The following DMXL2 variants were observed in gnomAD, a reference collection of about 807,000 sequenced individuals.
DMXL2 encodes Dmx like 2, also known as dmX-like protein 2.
Under a neutral mutation model 331.1 loss-of-function variants are expected in DMXL2, and 103 were observed. The ratio of observed to expected loss-of-function variants is 0.31; its 90% CI spans 0.27 to 0.37. DMXL2 has a LOEUF of 0.37. Ranked by LOEUF, DMXL2 falls within the 10% of genes least tolerant of loss-of-function variation. DMXL2 has a pLI of 1.00. For missense variants in DMXL2, 3,171 were observed against 3,642.9 expected (o/e 0.87, Z 3.33); for synonymous variants, 1,281 against 1,252.1 (o/e 1.02, Z -0.49).
intron 2 of DMXL2, among the ~76,000 whole-genome samples, chr15:51,574,298 AG>A (rs1276863342): frequency 6.6e-6 from 1 of 152,166 alleles, no homozygotes; most frequent in Non-Finnish European, 1.5e-5. Flanking sequence ...AATTTCTTGA[AG>A]GCTATTTCTA....
intron 6 of DMXL2, among the ~76,000 whole-genome samples, chr15:51,548,490 C>T (rs1182265692): frequency 6.6e-6 from 1 of 152,086 alleles, no homozygotes; most frequent in Non-Finnish European, 1.5e-5. Flanking sequence ...TTGCTTTCCT[C>T]CAAGTATCTT....
chr15:51,553,786 GT>G (rs2049372039), intron 6 of DMXL2, among the ~76,000 whole-genome samples: 5 of 112,376 alleles, frequency 4.4e-5, no homozygotes. Flanking sequence ...CACATGCAGG[GT>G]TTAAAAAAAA....
At chr15:51,532,719 T>C (rs2048073706) in intron 13 of DMXL2, among the ~76,000 whole-genome samples, 1 of 152,190 alleles carries the variant, frequency 6.6e-6, no homozygotes, top group Non-Finnish European at 1.5e-5. Context: ...TTATATGTAA[T>C]GATCAAAGAC....
chr15:51,583,124 T>C (rs1365546534), intron 1 of DMXL2, among the ~76,000 whole-genome samples: 1 of 140,184 alleles, frequency 7.1e-6, no homozygotes, highest in Admixed American at 7.2e-5. Context: ...TTTTTTTCTT[T>C]TTTTTTTTTT....
intron 8 of DMXL2, among the ~76,000 whole-genome samples, chr15:51,542,785 AT>A (rs984768941): frequency 2.0e-5 from 3 of 151,160 alleles, no homozygotes; most frequent in Admixed American, 6.6e-5. Context: ...AGGTCCAAAG[AT>A]TTTTTTTTCA....
rs9806353 is a variant in DMXL2 at position 51,571,390 on chromosome 15, T to A, written c.214-2832A>T. On this transcript the variant is annotated intron_variant, in intron 2 of 43. Coordinates refer to ENST00000560891, the MANE Select transcript of DMXL2 (RefSeq NM_001378457.1). The stretch of plus-strand genomic sequence containing the variant: ...TAGACACATCGACAAGACAGAAAAT[T>A]AACAAGGATACCAGGGCTTGAACTC... 9.9e-3 allele frequency among the ~76,000 whole-genome samples: 1,500 copies of A among 152,088 alleles called. 20 individuals are homozygous for A. Among genetic ancestry groups the A allele is most frequent in the African/African-American group, 0.034 (1,414 of 41,476 alleles).
At chr15:51,488,296 G>T (rs1028582921) in intron 21 of DMXL2, among the ~76,000 whole-genome samples, 177 bp from the exon 22 acceptor site, 2 of 152,140 alleles carry the variant, frequency 1.3e-5, no homozygotes, top group Admixed American at 6.5e-5. Flanking sequence ...GGTCAATAAT[G>T]CCTTATGTAT....
rs1475824372 is a variant in DMXL2 at position 51,459,674 on chromosome 15, C to G, written c.7927-14G>C. On this transcript the variant is annotated splice_polypyrimidine_tract_variant and intron_variant, in intron 33 of 43. Coordinates refer to ENST00000560891, the MANE Select transcript of DMXL2 (RefSeq NM_001378457.1). ...TTCTTCTATAGACTAAATACCACCA[C>G]ACCGTCACAAACACAAAACACATGC... 7.8e-7 allele frequency: 1 copy of G among 1,289,542 alleles called. No homozygotes were observed. Among genetic ancestry groups the G allele is most frequent in the Admixed American group, 2.3e-5 (1 of 43,556 alleles). 79.9% of individuals were successfully genotyped at this position (1,289,542 alleles called of 1,614,324 possible).
intron 12 of DMXL2, 71 bp from the exon 13 acceptor site, chr15:51,535,855 A>C (rs2048259344): frequency 1.3e-5 from 19 of 1,492,370 alleles, no homozygotes; most frequent in Non-Finnish European, 1.7e-5. Context: ...AAAGGATAAG[A>C]AACAAGTATT....
At chr15:51,617,130 A>G (rs1369051809) in intron 1 of DMXL2, among the ~76,000 whole-genome samples, 1 of 152,178 alleles carries the variant, frequency 6.6e-6, no homozygotes, top group East Asian at 1.9e-4. Flanking sequence ...CTTTCAGATA[A>G]TTAAATACTG....
chr15:51,475,805 T>C (rs376870531), intron 27 of DMXL2, among the ~76,000 whole-genome samples: 9 of 152,254 alleles, frequency 5.9e-5, no homozygotes, highest in Admixed American at 2.6e-4. Context: ...GAAACACACA[T>C]TGAAATGTTT....
Position 51,448,989 on chromosome 15 carries a change from G to A in DMXL2, c.9172C>T (p.Leu3058=), listed in dbSNP as rs753350990. ...FNIPNRILDI[L] ...TAAAAATAAAACCCCAATCTTTATA[G>A]AATGTCAAGAATTCTGTTAGGGATG... Residue 3058 remains leucine (L), a synonymous_variant, in exon 44 of 44, where the codon CTA becomes TTA. Transcript: ENST00000560891. 6 of 1,613,992 alleles carry A rather than the reference G, an allele frequency of 3.7e-6. No individual in the cohort carries two copies. The East Asian group carries it at 1.3e-4, about 36-fold the overall frequency.
chr15:51,462,150 T>C (rs569209710), intron 33 of DMXL2, among the ~76,000 whole-genome samples: 2 of 152,096 alleles, frequency 1.3e-5, no homozygotes, highest in Non-Finnish European at 2.9e-5. Context: ...ACAATTACCA[T>C]TCAGGTAAGT....
At chr15:51,450,442 G>T in intron 42 of DMXL2, 96 bp from the exon 43 acceptor site, 1 of 1,134,140 alleles carries the variant, frequency 8.8e-7, no homozygotes, top group Non-Finnish European at 1.3e-6. Flanking sequence ...CCTTACTGAT[G>T]CATTTTTCAT....
chr15:51,491,736 A>G lies in DMXL2; in HGVS notation c.4795T>C (p.Cys1599Arg). The G allele has an allele frequency of 6.3e-7, 1 of 1,596,900 alleles. No individual in the cohort carries two copies. The highest frequency in any genetic ancestry group is 1.8e-5 in the Admixed American group (1 of 54,184). Residue 1599 changes from cysteine (C) to arginine (R), a missense_variant, in exon 20 of 44, where the codon TGC becomes CGC. Around this residue, in one of 7 missense-constraint regions of DMXL2, gnomAD observed 252 missense variants for 387.4 expected, o/e 0.65. Coordinates refer to ENST00000560891, the MANE Select transcript of DMXL2 (RefSeq NM_001378457.1). ...VQLLHQGVST[C>R]HFAWAFHSEA... ...GAATGAAAAGCCCAGGCAAAATGGC[A>G]TGTAGAGACACCTAAATTGGAAATA...
intron 1 of DMXL2, among the ~76,000 whole-genome samples, chr15:51,578,057 C>A (rs2051162757): frequency 6.6e-6 from 1 of 152,098 alleles, no homozygotes; most frequent in African/African-American, 2.4e-5. Context: ...AACTAAATGA[C>A]AAACTGCCAT....
At chr15:51,492,156 G>T (rs1397623117) in intron 19 of DMXL2, among the ~76,000 whole-genome samples, 2 of 152,210 alleles carry the variant, frequency 1.3e-5, no homozygotes, top group Admixed American at 1.3e-4. Flanking sequence ...CTGTCACCAG[G>T]ACCTGTGAAT....
intron 13 of DMXL2, among the ~76,000 whole-genome samples, chr15:51,531,276 TG>T (rs1249556373): frequency 1.3e-5 from 2 of 152,018 alleles, no homozygotes; most frequent in Non-Finnish European, 2.9e-5. Context: ...GAATATACAA[TG>T]GAGAAAAGAC....
At chr15:51,538,685 C>A (rs2048417418) in intron 9 of DMXL2, among the ~76,000 whole-genome samples, 1 of 152,036 alleles carries the variant, frequency 6.6e-6, no homozygotes, top group South Asian at 2.1e-4. Flanking sequence ...AATGCATCAA[C>A]CTTCAGTGAA....
Sources: allele counts gnomAD v4.1 joint callset (sites outside exome capture counted in the v4.1 genomes callset), GRCh38; gene constraint gnomAD v4.1.1; regional missense constraint gnomAD v4.1.1; transcripts MANE v1.5; gene names NCBI Gene and HGNC (gene_info 2026-07-23, HGNC 2026-07-21).